CPLANE1: variants seen among roughly 807,000 people sequenced by gnomAD.
The protein encoded by CPLANE1 is ciliogenesis and planar polarity effector 1.
CPLANE1 carries 263 observed loss-of-function variants against 362.5 expected under a neutral mutation model. The ratio of observed to expected loss-of-function variants is 0.73; its 90% confidence interval spans 0.66 to 0.80. The LOEUF is 0.80. CPLANE1 is among the 30% of genes least tolerant of loss of function. The probability of loss-of-function intolerance (pLI) is 0.00; values close to 1 mark genes in which losing one functional copy is unlikely to be tolerated. For synonymous variants in CPLANE1, 1,212 were observed against 1,302.6 expected (o/e 0.93, Z 1.50); for missense variants, 3,461 against 3,793.4 (o/e 0.91, Z 2.30).
intron 46 of CPLANE1, among the ~76,000 whole-genome samples, chr5:37,137,064 A>T (rs1767942426): frequency 6.6e-6 from 1 of 152,238 alleles, no homozygotes; most frequent in South Asian, 2.1e-4. Flanking sequence ...TCTCCCCAGA[A>T]AATGGGTTTT....
Position 37,209,714 on chromosome 5 carries a change from C to A in CPLANE1, c.2921-3289G>T. The stretch of plus-strand genomic sequence containing the variant: ...AGGATCTATTACAACTCATTAAAAT[C>A]AACCCTACTTCCAGTCTGTACAAAT... On this transcript the variant is annotated intron_variant, in intron 16 of 52. Coordinates refer to ENST00000651892, the MANE Select transcript of CPLANE1 (RefSeq NM_001384732.1). This position sits in a 1 kb window ranked among gnomAD's most constrained non-coding sequence, Gnocchi z 4.6. 8.1e-7 allele frequency: 1 copy of A among 1,233,344 alleles called. No homozygotes were observed. Among genetic ancestry groups the A allele is most frequent in the South Asian group, 1.2e-5 (1 of 83,278 alleles). The allele number at this position is 1,233,344 out of a possible 1,614,324, so 76.4% of individuals were successfully genotyped here. A position where few individuals can be genotyped will look rare whatever the true frequency, so the allele number is the denominator to read the frequency against.
rs1048351508 is a variant in CPLANE1, at chr5:37,158,214, A to C, written c.7812+10T>G. The C allele has an allele frequency of 6.2e-7, 1 of 1,613,016 alleles. No homozygotes were observed. The highest frequency in any genetic ancestry group is 8.5e-7 in the Non-Finnish European group (1 of 1,179,344). The stretch of plus-strand genomic sequence containing the variant: ...AAGGTATTATTAAAACTTCTGAATA[A>C]AACACAAACCAAGTTTGTTACTGTA... On this transcript the variant is annotated intron_variant, in intron 39 of 52. Coordinates refer to ENST00000651892, the MANE Select transcript of CPLANE1 (RefSeq NM_001384732.1).
intron 41 of CPLANE1, among the ~76,000 whole-genome samples, chr5:37,155,878 G>A (rs1774949005): frequency 6.6e-6 from 1 of 152,166 alleles, no homozygotes; most frequent in Non-Finnish European, 1.5e-5. Context: ...TGTTCTATGT[G>A]AATCTAAAAG....
At chr5:37,087,511 C>T in the CPLANE1 span, among the ~76,000 whole-genome samples, 1 of 152,216 alleles carries the variant, frequency 6.6e-6, no homozygotes, top group African/African-American at 2.4e-5. Flanking sequence ...GACTGGAGTG[C>T]AGTGGCGCGA....
intron 12 of CPLANE1, among the ~76,000 whole-genome samples, chr5:37,225,294 G>A (rs767838043): frequency 4.0e-5 from 6 of 151,406 alleles, no homozygotes; most frequent in African/African-American, 1.5e-4. Context: ...TCCTCCTGTC[G>A]CCCATGCTGG....
At chr5:37,085,765 G>A in the CPLANE1 span, 1 of 1,434,000 alleles carries the variant, frequency 7.0e-7, no homozygotes, top group Non-Finnish European at 9.8e-7. Context: ...ACAAACCATG[G>A]ATTTCTCTTC....
chr5:37,138,438 A>C (rs1282575444), intron 46 of CPLANE1: 8 of 503,258 alleles, frequency 1.6e-5, no homozygotes, highest in Non-Finnish European at 3.0e-5. Flanking sequence ...TTTTTGGGTA[A>C]AGTGCTATGA....
chr5:37,120,170 GA>G (rs1355092358), intron 50 of CPLANE1, 45 bp downstream of exon 50: 2 of 1,565,898 alleles, frequency 1.3e-6, no homozygotes, highest in Non-Finnish European at 1.7e-6. Flanking sequence ...AGACAAGAAG[GA>G]ATAGGTCCAA....
At chr5:37,204,691 T>C (rs75927766) in intron 18 of CPLANE1, among the ~76,000 whole-genome samples, 6,426 of 151,140 alleles carry the variant, frequency 0.043, 474 homozygotes, top group African/African-American at 0.15. Context: ...GGCCTTGCTC[T>C]GCAGGAGGAG....
chr5:37,209,466 A>C lies in CPLANE1; in HGVS notation c.2921-3041T>G. On this transcript the variant is annotated intron_variant, in intron 16 of 52. Transcript: ENST00000651892. This position sits in a 1 kb window ranked among gnomAD's most constrained non-coding sequence, Gnocchi z 4.6. ...ATTTAAGGATCGGGGTATACTGGAA[A>C]CACTCAAGATACAACTTCGAAACCA... The C allele has an allele frequency of 1.5e-6, 2 of 1,302,514 alleles. No individual in the cohort carries two copies. Among genetic ancestry groups the C allele is most frequent in the South Asian group, 2.4e-5 (2 of 84,686 alleles). 80.7% of individuals were successfully genotyped at this position (1,302,514 alleles called of 1,614,324 possible). A position where few individuals can be genotyped will look rare whatever the true frequency, so the allele number is the denominator to read the frequency against.
Position 37,179,997 on chromosome 5 carries a change from G to T in CPLANE1, c.5737+20C>A. 1.3e-6 allele frequency: 2 copies of T among 1,498,440 alleles called. No individual in the cohort carries two copies. The highest frequency in any genetic ancestry group is 1.8e-6 in the Non-Finnish European group (2 of 1,123,590). 92.8% of individuals were successfully genotyped at this position (1,498,440 alleles called of 1,614,324 possible). ...TCAAATTAATAAAGCCAAAAAAATA[G>T]ATTATCTAAATGAACTGACCTTCAT... is the stretch of plus-strand genomic sequence containing the variant. On this transcript the variant is annotated intron_variant, in intron 28 of 52. Coordinates refer to ENST00000651892, the MANE Select transcript of CPLANE1 (RefSeq NM_001384732.1).
At chr5:37,154,101 TCCA>T in intron 41 of CPLANE1, 108 bp from the exon 42 acceptor site, 1 of 922,166 alleles carries the variant, frequency 1.1e-6, no homozygotes, top group South Asian at 2.0e-5. Context: ...AACACTACTT[TCCA>T]AATCAGTTTT....
chr5:37,162,726 C>T (rs1777158646), intron 37 of CPLANE1, 160 bp from the exon 38 acceptor site: 2 of 493,780 alleles, frequency 4.1e-6, no homozygotes, highest in East Asian at 6.6e-5. Context: ...GCTGCCCAGG[C>T]TGGAGTGCAG....
chr5:37,194,533 T>C (rs371751741), intron 21 of CPLANE1, among the ~76,000 whole-genome samples: 249 of 152,118 alleles, frequency 1.6e-3, no homozygotes, highest in African/African-American at 5.8e-3. Context: ...TCTATGAAAC[T>C]AAGCTCATGA....
chr5:37,162,960 G>A (rs1039069124), intron 37 of CPLANE1, among the ~76,000 whole-genome samples: 10 of 152,226 alleles, frequency 6.6e-5, no homozygotes, highest in African/African-American at 9.6e-5. Flanking sequence ...GATTACAGGC[G>A]TGGGCCACCG....
In CPLANE1 at chr5:37,194,748, G is replaced by A. The variant is rs536365202; in HGVS notation, c.3811+1110C>T. Among the ~76,000 whole-genome samples, 12 of 149,726 alleles carry A rather than the reference G, an allele frequency of 8.0e-5. No individual in the cohort carries two copies. The South Asian group carries it at 1.3e-3, about 16-fold the overall frequency. ...TCACAGGTACAATCATTGCACACAA[G>A]ACCCTCAAACTCCTAGGCTCAAGCA... On this transcript the variant is annotated intron_variant, in intron 21 of 52. Coordinates refer to ENST00000651892, the MANE Select transcript of CPLANE1 (RefSeq NM_001384732.1).
At chr5:37,126,085 A>C (rs1345365542) in intron 46 of CPLANE1, among the ~76,000 whole-genome samples, 1 of 152,096 alleles carries the variant, frequency 6.6e-6, no homozygotes, top group African/African-American at 2.4e-5. Context: ...TAAAAAAAAA[A>C]TTAGCCAGGT....
intron 51 of CPLANE1, 152 bp downstream of exon 51, chr5:37,114,808 G>C: frequency 1.8e-6 from 1 of 565,978 alleles, no homozygotes; most frequent in Non-Finnish European, 3.1e-6. Context: ...CCTGAGGCAG[G>C]AGAATCACTT....
chr5:37,150,898 A>G (rs930855014), intron 42 of CPLANE1, among the ~76,000 whole-genome samples: 2 of 152,158 alleles, frequency 1.3e-5, no homozygotes, highest in Non-Finnish European at 2.9e-5. Flanking sequence ...CAAGTTTCCT[A>G]TATGATTCTA....
Sources: gnomAD v4.1 joint callset for allele counts (sites outside exome capture counted in the v4.1 genomes callset) on GRCh38, gnomAD v4.1.1 for gene constraint, Gnocchi (gnomAD v3.1) non-coding constraint, MANE v1.5 for transcripts, NCBI Gene and HGNC (gene_info 2026-07-23, HGNC 2026-07-21) for gene names.